Variants in SMAD2 observed in about 807,000 individuals in gnomAD.
The protein encoded by SMAD2 is SMAD family member 2.
In SMAD2, 8 loss-of-function variants were observed where a neutral mutation model predicts 64.4. The ratio of observed to expected loss-of-function variants is 0.12; its 90% CI spans 0.07 to 0.22. The LOEUF is 0.22. SMAD2 is among the 10% of genes least tolerant of loss of function. The probability of loss-of-function intolerance (pLI) is 1.00; values close to 1 mark genes in which losing one functional copy is unlikely to be tolerated. For missense variants in SMAD2, 289 were observed against 561.2 expected (o/e 0.51, Z 4.90); for synonymous variants, 203 against 195.8 (o/e 1.04, Z -0.31).
chr18:47,809,061 C>G lies in SMAD2; in HGVS notation c.*32766G>C, dbSNP rs1447801594. On this transcript the variant is annotated 3_prime_UTR_variant, in exon 11 of 11. Coordinates refer to ENST00000262160, the MANE Select transcript of SMAD2 (RefSeq NM_005901.6). ...TTCTACAGCGGACCTAGTGAAAAAC[C>G]AATGGTGCCTAAGGCGGTGCTGAAG... 6.6e-6 allele frequency: 1 copy of G among 152,180 alleles called. No individual in the cohort carries two copies. Among genetic ancestry groups the G allele is most frequent in the Non-Finnish European group, 1.5e-5 (1 of 68,044 alleles). 9.4% of individuals were successfully genotyped at this position (152,180 alleles called of 1,614,324 possible).
intron 6 of SMAD2, among the ~76,000 whole-genome samples, chr18:47,864,463 T>G (rs1327798871): frequency 6.6e-6 from 1 of 152,196 alleles, no homozygotes; most frequent in African/African-American, 2.4e-5. Context: ...GTAAAATGAA[T>G]CAAACTGGAC....
At chr18:47,894,046 A>G (rs939367778) in intron 2 of SMAD2, among the ~76,000 whole-genome samples, 1 of 152,218 alleles carries the variant, frequency 6.6e-6, no homozygotes, top group Non-Finnish European at 1.5e-5. Context: ...CTGTAAAAAG[A>G]ATGGGAAATA....
At chr18:47,861,383 C>T (rs1044703961) in intron 6 of SMAD2, among the ~76,000 whole-genome samples, 4 of 151,974 alleles carry the variant, frequency 2.6e-5, no homozygotes, top group African/African-American at 9.7e-5. Flanking sequence ...GCTGTGTATG[C>T]AGAAAACCTC....
rs1480444567 is a variant in SMAD2 at position 47,827,459 on chromosome 18, T to A, written c.*14368A>T. On this transcript the variant is annotated 3_prime_UTR_variant, in exon 11 of 11. Coordinates refer to ENST00000262160, the MANE Select transcript of SMAD2 (RefSeq NM_005901.6). ...CGGTTAGAAAAAAAGCACATCCCTC[T>A]CCCTCTCCCGTCTCCCCCCGTCTCC... is the stretch of plus-strand genomic sequence containing the variant. 3 of 152,264 alleles carry A rather than the reference T, an allele frequency of 2.0e-5. No individual in the cohort carries two copies. The highest frequency in any genetic ancestry group is 7.2e-5 in the African/African-American group (3 of 41,452). The allele number at this position is 152,264 out of a possible 1,614,324, so 9.4% of individuals were successfully genotyped here.
chr18:47,834,107 T>A lies in SMAD2; in HGVS notation c.*7720A>T, dbSNP rs956621685. 5 of 214,612 alleles carry A rather than the reference T, an allele frequency of 2.3e-5. No homozygotes were observed. In the East Asian group the frequency reaches 3.5e-4, roughly 15 times the overall value. 13.3% of individuals were successfully genotyped at this position (214,612 alleles called of 1,614,324 possible). The stretch of plus-strand genomic sequence containing the variant: ...CCATTCAAAGTACTAAATGACTGGA[T>A]GGCACATATCCCAATAAGTATCAGA... On this transcript the variant is annotated 3_prime_UTR_variant, in exon 11 of 11. Transcript: ENST00000262160.
At position 47,826,279 on chromosome 18, in the gene SMAD2, C is replaced by G. The variant is rs769127277; in HGVS notation, c.*15548G>C. On this transcript the variant is annotated 3_prime_UTR_variant, in exon 11 of 11. Transcript: ENST00000262160. ...TCCATTGTTTGCTGGCAAACCAGTA[C>G]AGTAACCTGTTAAATACAAAGCAAG... The G allele has an allele frequency of 6.6e-6, 1 of 152,268 alleles. No individual in the cohort carries two copies. Among genetic ancestry groups the G allele is most frequent in the African/African-American group, 2.4e-5 (1 of 41,460 alleles). The allele number at this position is 152,268 out of a possible 1,614,324, so 9.4% of individuals were successfully genotyped here. A position where few individuals can be genotyped will look rare whatever the true frequency, so the allele number is the denominator to read the frequency against.
rs111372015 is a variant in SMAD2, at chr18:47,873,110, G to C, written c.237-2546C>G. Among the ~76,000 whole-genome samples the C allele has an allele frequency of 1.6e-4, 24 of 152,012 alleles. No individual in the cohort carries two copies. In the South Asian group the frequency reaches 4.8e-3, roughly 30 times the overall value. ...TCACCTCAGCCTCCCAAAATGCTGG[G>C]ATTACAGAAGTAAGTCAACGTGCCC... On this transcript the variant is annotated intron_variant, in intron 2 of 10. Transcript: ENST00000262160.
At chr18:47,908,928 G>A (rs2034012995) in intron 1 of SMAD2, among the ~76,000 whole-genome samples, 1 of 152,202 alleles carries the variant, frequency 6.6e-6, no homozygotes, top group South Asian at 2.1e-4. Flanking sequence ...TAGTGATGCT[G>A]ACAGTGCTCC....
chr18:47,851,155 T>C (rs1405351923), intron 7 of SMAD2, 119 bp downstream of exon 7: 1 of 720,716 alleles, frequency 1.4e-6, no homozygotes, highest in Non-Finnish European at 2.5e-6. Context: ...ACATAATTAT[T>C]TGGCTATTCA....
chr18:47,910,491 T>C (rs1427200341), intron 1 of SMAD2, among the ~76,000 whole-genome samples: 2 of 152,208 alleles, frequency 1.3e-5, no homozygotes, highest in Non-Finnish European at 2.9e-5. Flanking sequence ...GGAGGACTGG[T>C]ACCACACAGA....
At chr18:47,885,833 A>G (rs1875443765) in intron 2 of SMAD2, among the ~76,000 whole-genome samples, 1 of 152,106 alleles carries the variant, frequency 6.6e-6, no homozygotes, top group African/African-American at 2.4e-5. Context: ...ATGGTGGCAC[A>G]CAATTGTAAT....
At chr18:47,857,774 G>A (rs16958545) in intron 6 of SMAD2, among the ~76,000 whole-genome samples, 2,613 of 152,274 alleles carry the variant, frequency 0.017, 67 homozygotes, top group African/African-American at 0.059. Context: ...GACAGGAATC[G>A]AAGAAGCTGC....
chr18:47,901,685 G>C (rs151265872), intron 1 of SMAD2, among the ~76,000 whole-genome samples: 1,802 of 152,132 alleles, frequency 0.012, 12 homozygotes, highest in African/African-American at 0.018. Context: ...CAGAATCATA[G>C]AACACTGCTG....
rs1194313110 is a variant in SMAD2, at chr18:47,810,703, G to A, written c.*31124C>T. ...TAATCCCAACACGTTGGGAGGCTGA[G>A]GTGGGAGGATCACTTGGGCCCAGGA... On this transcript the variant is annotated 3_prime_UTR_variant, in exon 11 of 11. Transcript: ENST00000262160. The A allele has an allele frequency of 1.3e-5, 2 of 152,192 alleles. No individual in the cohort carries two copies. The highest frequency in any genetic ancestry group is 1.9e-4 in the East Asian group (1 of 5,174). 9.4% of individuals were successfully genotyped at this position (152,192 alleles called of 1,614,324 possible).
intron 1 of SMAD2, among the ~76,000 whole-genome samples, chr18:47,903,516 A>G (rs569885774): frequency 3.3e-5 from 5 of 152,162 alleles, no homozygotes; most frequent in Non-Finnish European, 7.4e-5. Flanking sequence ...ATGATGGACC[A>G]TTTTCTAAAA....
chr18:47,860,392 C>T (rs1214024982), intron 6 of SMAD2, among the ~76,000 whole-genome samples: 1 of 151,932 alleles, frequency 6.6e-6, no homozygotes, highest in East Asian at 1.9e-4. Flanking sequence ...CCACCTTAGC[C>T]TCTTAAGTAG....
chr18:47,827,652 TG>T lies in SMAD2; in HGVS notation c.*14174del, dbSNP rs1912805332. 6.3e-6 allele frequency: 1 copy of T among 157,506 alleles called. No individual in the cohort carries two copies. The highest frequency in any genetic ancestry group is 1.4e-5 in the Non-Finnish European group (1 of 71,944). The allele number at this position is 157,506 out of a possible 1,614,324, so 9.8% of individuals were successfully genotyped here. ...CGCGCCGCCACGCCTGACTGGTTTT[TG>T]TATTTTTTGGTGGAGACGGGGTTTC... On this transcript the variant is annotated 3_prime_UTR_variant, in exon 11 of 11. Transcript: ENST00000262160.
intron 1 of SMAD2, among the ~76,000 whole-genome samples, chr18:47,926,129 G>C (rs1045383342): frequency 6.6e-6 from 1 of 152,180 alleles, no homozygotes; most frequent in Admixed American, 6.5e-5. Flanking sequence ...TTTCAGCTTG[G>C]AATCTGAATG....
chr18:47,899,826 C>G (rs2033609241), intron 1 of SMAD2, among the ~76,000 whole-genome samples: 1 of 152,184 alleles, frequency 6.6e-6, no homozygotes, highest in Admixed American at 6.5e-5. Flanking sequence ...TTCTAAAATG[C>G]ATACTGCATG....
Sources: gnomAD v4.1 joint callset for allele counts (sites outside exome capture counted in the v4.1 genomes callset) on GRCh38, gnomAD v4.1.1 for gene constraint, MANE v1.5 for transcripts, NCBI Gene and HGNC (gene_info 2026-07-23, HGNC 2026-07-21) for gene names.